Variants in CAMK1D observed in about 807,000 individuals in gnomAD.
The protein encoded by CAMK1D is calcium/calmodulin dependent protein kinase ID, also known as calcium/calmodulin-dependent protein kinase type 1D.
CAMK1D carries 9 observed loss-of-function variants against 47.7 expected under a neutral mutation model. The ratio of observed to expected loss-of-function variants is 0.19; its 90% CI spans 0.11 to 0.33. The LOEUF (loss-of-function observed/expected upper bound fraction) is 0.33, where lower values mean the gene tolerates loss of function less well. Ranked by LOEUF, CAMK1D falls within the 10% of genes least tolerant of loss-of-function variation. The pLI, the probability that CAMK1D is intolerant of heterozygous loss-of-function variation, is 1.00. For missense variants in CAMK1D, 291 were observed against 488.7 expected (o/e 0.60, Z 3.81); for synonymous variants, 184 against 184.9 (o/e 0.99, Z 0.04).
intron 1 of CAMK1D, among the ~76,000 whole-genome samples, chr10:12,541,522 C>A (rs1308379376): frequency 6.6e-6 from 1 of 152,072 alleles, no homozygotes; most frequent in African/African-American, 2.4e-5. Context: ...TGCCACCACG[C>A]CTGGCTAATT....
intron 3 of CAMK1D, among the ~76,000 whole-genome samples, chr10:12,678,059 AGTCT>A (rs1376927181): frequency 3.9e-5 from 6 of 151,998 alleles, no homozygotes; most frequent in Non-Finnish European, 8.8e-5. Flanking sequence ...ATCTGGAGCC[AGTCT>A]TACTAGGTTC....
At chr10:12,365,957 G>A (rs1223345281) in intron 1 of CAMK1D, among the ~76,000 whole-genome samples, 1 of 152,222 alleles carries the variant, frequency 6.6e-6, no homozygotes, top group African/African-American at 2.4e-5. Flanking sequence ...TCGGGAGGCT[G>A]AGGTGGGAGA....
At chr10:12,740,617 GA>G (rs1367838536) in intron 3 of CAMK1D, among the ~76,000 whole-genome samples, 2 of 152,026 alleles carry the variant, frequency 1.3e-5, no homozygotes, top group African/African-American at 4.8e-5. Flanking sequence ...AAAAAGAAAA[GA>G]AACTGGGAGA....
At position 12,506,765 on chromosome 10, in the gene CAMK1D, G is replaced by A. The variant is rs539200926; in HGVS notation, c.93-46460G>A. On this transcript the variant is annotated intron_variant, in intron 1 of 10. Coordinates refer to ENST00000619168, the MANE Select transcript of CAMK1D (RefSeq NM_153498.4). ...GGTCTCCTGACCTCGTGATCCGCCC[G>A]CCTCAGCCTCCCAAAGTGCTGGGAT... 9.8e-4 allele frequency among the ~76,000 whole-genome samples: 149 copies of A among 152,232 alleles called. 1 individual carries two copies. The highest frequency in any genetic ancestry group is 3.4e-3 in the Middle Eastern group (1 of 294).
chr10:12,811,884 A>G (rs565258675), intron 6 of CAMK1D, among the ~76,000 whole-genome samples: 125 of 152,306 alleles, frequency 8.2e-4, no homozygotes, highest in African/African-American at 2.6e-3. Context: ...GGGCTCCGGG[A>G]TTTCCGTGGG....
chr10:12,371,677 C>A (rs1336227649), intron 1 of CAMK1D, among the ~76,000 whole-genome samples: 2 of 151,722 alleles, frequency 1.3e-5, no homozygotes, highest in Non-Finnish European at 2.9e-5. Context: ...GCGGGTGGAT[C>A]ATGAGGTCAG....
chr10:12,794,131 GA>G (rs1462510598), intron 6 of CAMK1D, among the ~76,000 whole-genome samples: 1 of 152,216 alleles, frequency 6.6e-6, no homozygotes, highest in East Asian at 1.9e-4. Flanking sequence ...GAGGAACAGT[GA>G]GAGGCGCTTC....
intron 1 of CAMK1D, among the ~76,000 whole-genome samples, chr10:12,549,844 T>C (rs1212102272): frequency 6.6e-6 from 1 of 152,202 alleles, no homozygotes; most frequent in Non-Finnish European, 1.5e-5. Flanking sequence ...GCCGTGGCAG[T>C]GCTGGCTCTG....
intron 5 of CAMK1D, among the ~76,000 whole-genome samples, chr10:12,785,777 G>C (rs1402360639): frequency 6.6e-6 from 1 of 152,214 alleles, no homozygotes; most frequent in Non-Finnish European, 1.5e-5. Flanking sequence ...GACAAGATCA[G>C]AGTGAGAAGT....
At chr10:12,665,643 AT>A (rs924591007) in intron 2 of CAMK1D, among the ~76,000 whole-genome samples, 8 of 151,744 alleles carry the variant, frequency 5.3e-5, no homozygotes, top group South Asian at 4.2e-4. Context: ...TAATGAAATC[AT>A]TTTTTTTTCT....
At chr10:12,689,895 ATGG>A in intron 3 of CAMK1D, among the ~76,000 whole-genome samples, 1 of 152,142 alleles carries the variant, frequency 6.6e-6, no homozygotes, top group Non-Finnish European at 1.5e-5. Context: ...ATTCATTTTT[ATGG>A]TTCATTCTGG....
intron 1 of CAMK1D, among the ~76,000 whole-genome samples, chr10:12,468,252 T>A (rs1833649389): frequency 6.6e-6 from 1 of 152,132 alleles, no homozygotes; most frequent in Admixed American, 6.6e-5. Flanking sequence ...AAGACGGGTC[T>A]TCATTCTGTT....
intron 1 of CAMK1D, among the ~76,000 whole-genome samples, chr10:12,378,234 C>T (rs1838239162): frequency 6.6e-6 from 1 of 152,170 alleles, no homozygotes; most frequent in Non-Finnish European, 1.5e-5. Context: ...AAAGCCCTTA[C>T]TACTTTTTGT....
At chr10:12,513,739 T>G (rs532214683) in intron 1 of CAMK1D, among the ~76,000 whole-genome samples, 56 of 152,242 alleles carry the variant, frequency 3.7e-4, no homozygotes, top group African/African-American at 1.2e-3. Flanking sequence ...AGGTGGAGGC[T>G]TCAGTGGGCC....
intron 3 of CAMK1D, among the ~76,000 whole-genome samples, chr10:12,751,080 A>C (rs1364998027): frequency 1.6e-5 from 1 of 61,524 alleles, no homozygotes; most frequent in Non-Finnish European, 3.1e-5. Flanking sequence ...AGATAAGATA[A>C]GATAAGATAA....
intron 3 of CAMK1D, among the ~76,000 whole-genome samples, chr10:12,704,903 G>T (rs1833672660): frequency 6.6e-6 from 1 of 152,078 alleles, no homozygotes; most frequent in Non-Finnish European, 1.5e-5. Context: ...CAATAATATT[G>T]GTTCTAGGAA....
intron 1 of CAMK1D, among the ~76,000 whole-genome samples, chr10:12,525,919 G>C (rs1306845270): frequency 6.6e-6 from 1 of 152,030 alleles, no homozygotes; most frequent in African/African-American, 2.4e-5. Flanking sequence ...CATCATGACT[G>C]ATTTTTGTAT....
intron 1 of CAMK1D, among the ~76,000 whole-genome samples, chr10:12,472,894 A>C (rs1588525175): frequency 6.6e-6 from 1 of 152,268 alleles, no homozygotes; most frequent in South Asian, 2.1e-4. Flanking sequence ...TACAGGGATG[A>C]GTGGCTCAGT....
chr10:12,523,559 A>G (rs1286341149), intron 1 of CAMK1D, among the ~76,000 whole-genome samples: 1 of 152,090 alleles, frequency 6.6e-6, no homozygotes, highest in African/African-American at 2.4e-5. Flanking sequence ...CCCGGCCAAC[A>G]CAGCGAAACC....
Sources: gnomAD v4.1 joint callset for allele counts (sites outside exome capture counted in the v4.1 genomes callset) on GRCh38, gnomAD v4.1.1 for gene constraint, MANE v1.5 for transcripts, NCBI Gene and HGNC (gene_info 2026-07-23, HGNC 2026-07-21) for gene names.